The following CACNA1A variants were observed in gnomAD, a reference collection of about 807,000 sequenced individuals.
The protein encoded by CACNA1A is voltage-dependent P/Q-type calcium channel subunit alpha-1A.
Under a neutral mutation model 262.4 loss-of-function variants are expected in CACNA1A, and 57 were observed. The ratio of observed to expected loss-of-function variants is 0.22; its 90% CI spans 0.18 to 0.27. The LOEUF (loss-of-function observed/expected upper bound fraction) is 0.27, where lower values mean the gene tolerates loss of function less well. CACNA1A is among the 10% of genes least tolerant of loss of function. CACNA1A has a pLI of 1.00. For missense variants in CACNA1A, 2,526 were observed against 3,562.8 expected (o/e 0.71, Z 7.41); for synonymous variants, 1,431 against 1,419.3 (o/e 1.01, Z -0.18).
chr19:13,260,317 T>A (rs965130181), intron 26 of CACNA1A: 1 of 53,028 alleles, frequency 1.9e-5, no homozygotes. Flanking sequence ...TATATATACA[T>A]ATATATATAT....
intron 3 of CACNA1A, among the ~76,000 whole-genome samples, chr19:13,444,508 C>T (rs1045250003): frequency 1.3e-5 from 2 of 152,082 alleles, no homozygotes; most frequent in Non-Finnish European, 2.9e-5. Flanking sequence ...ACACTGACCC[C>T]TCTGAGACTT....
intron 3 of CACNA1A, among the ~76,000 whole-genome samples, chr19:13,423,292 G>A (rs2060346877): frequency 6.6e-6 from 1 of 152,166 alleles, no homozygotes. Flanking sequence ...TCAGCACGTG[G>A]TGTGCTTTTA....
In CACNA1A at chr19:13,287,290, G is replaced by A. The variant is rs139596014; in HGVS notation, c.3090-324C>T. On this transcript the variant is annotated intron_variant, in intron 19 of 46. Transcript: ENST00000360228. The stretch of plus-strand genomic sequence containing the variant: ...TGCTTGAGCCTGGGAGGTTGAGGCT[G>A]CAGTGAGCCGTGATCGCCCCACTGC... Among the ~76,000 whole-genome samples, 3,196 of 152,166 alleles carry A rather than the reference G, an allele frequency of 0.021. 51 individuals are homozygous for A. The highest frequency in any genetic ancestry group is 0.032 in the Non-Finnish European group (2,196 of 67,990).
chr19:13,322,640 G>T (rs12460055), intron 10 of CACNA1A, among the ~76,000 whole-genome samples: 17,770 of 151,490 alleles, frequency 0.12, 1,085 homozygotes, highest in South Asian at 0.19. Context: ...CTGTCACCCA[G>T]GCTGGAGTGC....
At chr19:13,265,777 A>G (rs1401861532) in intron 24 of CACNA1A, among the ~76,000 whole-genome samples, 1 of 151,994 alleles carries the variant, frequency 6.6e-6, no homozygotes, top group Non-Finnish European at 1.5e-5. Context: ...CCTAACACTT[A>G]GTAATTTTCC....
rs370586411 is a variant in CACNA1A, at chr19:13,308,290, G to C, written c.1782-39C>G. ...CCAGGCGAGGACTCAGGCCAGGCGG[G>C]GGAGGCAGGGCCCCGGAGTCAGCCC... On this transcript the variant is annotated intron_variant, in intron 13 of 46. Coordinates refer to ENST00000360228, the MANE Select transcript of CACNA1A (RefSeq NM_001127222.2). This position sits in a 1 kb window ranked among gnomAD's most constrained non-coding sequence, Gnocchi z 4.2. 8.8e-6 allele frequency: 14 copies of C among 1,595,094 alleles called. No homozygotes were observed. The African/African-American group carries it at 1.7e-4, about 20-fold the overall frequency.
At chr19:13,487,534 C>T (rs892259815) in intron 1 of CACNA1A, among the ~76,000 whole-genome samples, 9 of 151,974 alleles carry the variant, frequency 5.9e-5, no homozygotes, top group African/African-American at 2.2e-4. Flanking sequence ...AGTACGGGGT[C>T]TCCTTTTTGG....
At position 13,235,960 on chromosome 19, in the gene CACNA1A, A is replaced by G. The variant is rs2055859107; in HGVS notation, c.4951-230T>C. 15 of 475,598 alleles carry G rather than the reference A, an allele frequency of 3.2e-5. No homozygotes were observed. The South Asian group carries it at 5.8e-4, about 18-fold the overall frequency. The allele number at this position is 475,598 out of a possible 1,614,324, so 29.5% of individuals were successfully genotyped here. On this transcript the variant is annotated intron_variant, in intron 31 of 46. Coordinates refer to ENST00000360228, the MANE Select transcript of CACNA1A (RefSeq NM_001127222.2). Reference sequence around the variant, plus strand: ...GGGAGGGAGGAAAAGGCATCAACTCAAAAGCATAAGCCCTCCCTGCCAGCC... The same window carrying G: ...GGGAGGGAGGAAAAGGCATCAACTCGAAAGCATAAGCCCTCCCTGCCAGCC...
In CACNA1A at chr19:13,212,829, C is replaced by T. The variant is rs112303338; in HGVS notation, c.5941-89G>A. The T allele has an allele frequency of 5.9e-5, 17 of 286,414 alleles. No individual in the cohort carries two copies. The highest frequency in any genetic ancestry group is 1.8e-4 in the South Asian group (3 of 16,482). 17.7% of individuals were successfully genotyped at this position (286,414 alleles called of 1,614,324 possible). On this transcript the variant is annotated intron_variant, in intron 40 of 46. Transcript: ENST00000360228. The surrounding 1 kb of genome is among the most constrained non-coding windows in gnomAD (Gnocchi z 5.6). ...AAGGCATTGCGACATCCCCAGTATA[C>T]ACACACACACACACACACACTCTCT...
intron 3 of CACNA1A, among the ~76,000 whole-genome samples, chr19:13,441,667 GAAAAA>G (rs758379687): frequency 3.1e-4 from 35 of 113,884 alleles, no homozygotes; most frequent in African/African-American, 9.4e-4. Flanking sequence ...CTGTCTCGAG[GAAAAA>G]AAAAAAAAAA....
chr19:13,355,568 C>G (rs971607616), intron 6 of CACNA1A, among the ~76,000 whole-genome samples: 8 of 152,158 alleles, frequency 5.3e-5, no homozygotes, highest in Admixed American at 1.3e-4. Flanking sequence ...CAGGGCAGAG[C>G]AAAACGCCCG....
chr19:13,346,191 C>G (rs1362047634), intron 6 of CACNA1A, among the ~76,000 whole-genome samples: 1 of 152,072 alleles, frequency 6.6e-6, no homozygotes, highest in East Asian at 1.9e-4. Context: ...CGGGAGCCAC[C>G]ATGCCTGGCT....
intron 3 of CACNA1A, among the ~76,000 whole-genome samples, chr19:13,382,828 C>G (rs919247017): frequency 7.4e-4 from 113 of 152,298 alleles, no homozygotes; most frequent in African/African-American, 2.7e-3. Flanking sequence ...TCCAGGGAGC[C>G]TGCCTGGGCT....
At chr19:13,466,703 A>G (rs11880968) in intron 1 of CACNA1A, among the ~76,000 whole-genome samples, 2 of 150,610 alleles carry the variant, frequency 1.3e-5, no homozygotes, top group Non-Finnish European at 3.0e-5. Context: ...TAATAATAAT[A>G]ATCATCATCA....
chr19:13,215,207 C>T (rs2054957396), intron 38 of CACNA1A: 1 of 151,774 alleles, frequency 6.6e-6, no homozygotes, highest in Admixed American at 6.6e-5. Context: ...GACGGAGTTT[C>T]ACCATGTTGG....
At chr19:13,266,864 C>A (rs574134268) in intron 24 of CACNA1A, among the ~76,000 whole-genome samples, 1 of 152,192 alleles carries the variant, frequency 6.6e-6, no homozygotes, top group Non-Finnish European at 1.5e-5. Context: ...CGTGAGCCAC[C>A]GTGTCTGGCC....
intron 3 of CACNA1A, among the ~76,000 whole-genome samples, chr19:13,405,375 T>C (rs1373110708): frequency 6.6e-6 from 1 of 151,894 alleles, no homozygotes; most frequent in African/African-American, 2.4e-5. Context: ...TGTATTTTTA[T>C]TTTTATTTTT....
intron 12 of CACNA1A, among the ~76,000 whole-genome samples, chr19:13,309,335 A>G (rs1298423686): frequency 2.0e-5 from 3 of 152,016 alleles, no homozygotes; most frequent in Admixed American, 6.6e-5. Context: ...GAGCTCCCAC[A>G]GGCCTGAGAA....
In CACNA1A at chr19:13,207,961, G is replaced by A. The variant is rs1419506776; in HGVS notation, c.6873C>T (p.Ser2291=). ...AATAGGACACGTGTGGCCGGGGGGT[G>A]GAGGGGGTCTGGGGGAGCTGGCGGC... ...RGRRQLPQTP[S]TPRPHVSYSP... Residue 2291 remains serine, a synonymous_variant, in exon 47 of 47, where the codon TCC becomes TCT. Transcript: ENST00000360228. This position sits in a 1 kb window ranked among gnomAD's most constrained non-coding sequence, Gnocchi z 5.7. The A allele has an allele frequency of 1.1e-5, 15 of 1,357,022 alleles. No homozygotes were observed. Among genetic ancestry groups the A allele is most frequent in the Non-Finnish European group, 1.3e-5 (14 of 1,058,550 alleles). The allele number at this position is 1,357,022 out of a possible 1,614,324, so 84.1% of individuals were successfully genotyped here. A position where few individuals can be genotyped will look rare whatever the true frequency, so the allele number is the denominator to read the frequency against.
Sources: gnomAD v4.1 joint callset for allele counts (sites outside exome capture counted in the v4.1 genomes callset) on GRCh38, gnomAD v4.1.1 for gene constraint, Gnocchi (gnomAD v3.1) non-coding constraint, MANE v1.5 for transcripts, NCBI Gene and HGNC (gene_info 2026-07-23, HGNC 2026-07-21) for gene names.